Variants in SEPSECS observed in about 807,000 individuals in gnomAD.
SEPSECS encodes the protein Sep (O-phosphoserine) tRNA:Sec (selenocysteine) tRNA synthase.
Under a neutral mutation model 52.1 loss-of-function variants are expected in SEPSECS, and 42 were observed. That is an observed-to-expected ratio of 0.81 (90% confidence interval 0.63 to 1.04). SEPSECS has a LOEUF of 1.04. Ranked by LOEUF, SEPSECS falls within the 50% of genes least tolerant of loss-of-function variation. The pLI is 0.00. For synonymous variants in SEPSECS, 216 were observed against 211.4 expected (o/e 1.02, Z -0.19); for missense variants, 590 against 610.6 (o/e 0.97, Z 0.36).
At chr4:25,150,488 CATT>C (rs1180293582) in intron 6 of SEPSECS, among the ~76,000 whole-genome samples, 1 of 152,010 alleles carries the variant, frequency 6.6e-6, no homozygotes, top group Non-Finnish European at 1.5e-5. Flanking sequence ...CAATAACAAA[CATT>C]ATATCAAATG....
At position 25,160,374 on chromosome 4, in the gene SEPSECS, G is replaced by C. The variant is rs1413144605; in HGVS notation, c.-5C>G. ...CGCGAAGCTCTCGCGGTTCATGACA[G>C]CGGTGGCGACAGTGGCGAATAAGCG... On this transcript the variant is annotated 5_prime_UTR_variant, in exon 1 of 11. Coordinates refer to ENST00000382103, the MANE Select transcript of SEPSECS (RefSeq NM_016955.4). 3.2e-6 allele frequency: 5 copies of C among 1,544,802 alleles called. No homozygotes were observed. Among genetic ancestry groups the C allele is most frequent in the Non-Finnish European group, 4.4e-6 (5 of 1,142,230 alleles).
chr4:25,137,825 T>C (rs969631692), intron 8 of SEPSECS, among the ~76,000 whole-genome samples: 1 of 152,106 alleles, frequency 6.6e-6, no homozygotes, highest in Non-Finnish European at 1.5e-5. Context: ...CAAACACTCA[T>C]CAATGATAGA....
At chr4:25,149,867 C>CA (rs1712198923) in intron 6 of SEPSECS, among the ~76,000 whole-genome samples, 1 of 152,070 alleles carries the variant, frequency 6.6e-6, no homozygotes, top group African/African-American at 2.4e-5. Flanking sequence ...TAAGGAATAG[C>CA]AAAAAGAAAT....
At chr4:25,157,822 G>C (rs564041035) in intron 2 of SEPSECS, among the ~76,000 whole-genome samples, 3 of 152,148 alleles carry the variant, frequency 2.0e-5, no homozygotes, top group Non-Finnish European at 1.5e-5. Flanking sequence ...TGAGATTACC[G>C]GCGTGAGCCA....
intron 8 of SEPSECS, among the ~76,000 whole-genome samples, chr4:25,130,968 T>C (rs886363799): frequency 3.3e-5 from 5 of 152,218 alleles, no homozygotes; most frequent in African/African-American, 1.2e-4. Flanking sequence ...TGAAATATTA[T>C]TGATTTTCCA....
At chr4:25,152,413 T>C (rs1712358173) in intron 5 of SEPSECS, among the ~76,000 whole-genome samples, 1 of 152,058 alleles carries the variant, frequency 6.6e-6, no homozygotes, top group Admixed American at 6.5e-5. Context: ...TGCTCTTTTT[T>C]TCCACTTTTG....
chr4:25,156,006 T>C, intron 4 of SEPSECS, 31 bp downstream of exon 4: 1 of 1,584,886 alleles, frequency 6.3e-7, no homozygotes, highest in East Asian at 2.2e-5. Context: ...AATTATGATG[T>C]TTAAAACATT....
At chr4:25,159,922 G>C (rs1048994206) in intron 1 of SEPSECS, 49 of 985,276 alleles carry the variant, frequency 5.0e-5, no homozygotes, top group Non-Finnish European at 5.7e-5. Context: ...TTGAGGGTTG[G>C]TGAAAGATGG....
Position 25,127,273 on chromosome 4 carries a change from T to A in SEPSECS, c.1111A>T (p.Ile371Leu). 1.2e-6 allele frequency: 2 copies of A among 1,607,376 alleles called. No homozygotes were observed. The highest frequency in any genetic ancestry group is 8.5e-7 in the Non-Finnish European group (1 of 1,174,292). Residue 371 changes from isoleucine (I) to leucine (L), a missense_variant, in exon 9 of 11, where the codon ATA becomes TTA. Physicochemically the swap from Ile to Leu is conservative, Grantham distance 5. Coordinates refer to ENST00000382103, the MANE Select transcript of SEPSECS (RefSeq NM_016955.4). The part of the protein sequence containing the change: ...ERLLHTPHNP[I>L]SLAMTLKTLD... ...GGAAAAAAGAAATTACCTAAAGATA[T>A]GGGATTGTGAGGTGTATGCAACAGT...
At position 25,124,164 on chromosome 4, in the gene SEPSECS, G is replaced by A; in HGVS notation, c.1273C>T (p.His425Tyr). 1.9e-6 allele frequency: 3 copies of A among 1,613,618 alleles called. No homozygotes were observed. Among genetic ancestry groups the A allele is most frequent in the Non-Finnish European group, 2.5e-6 (3 of 1,179,722 alleles). The change falls in exon 11 of 11, where the codon CAT (histidine) becomes TAT (tyrosine). Residue 425 changes from histidine (H) to tyrosine (Y), a missense_variant. Physicochemically the swap from His to Tyr is moderately conservative, Grantham distance 83. Coordinates refer to ENST00000382103, the MANE Select transcript of SEPSECS (RefSeq NM_016955.4). ...TAAGCACAAGGGTAATTATTTGTAT[G>A]TGACATAAAGCCTCTGAAAGTATAG... is the stretch of plus-strand genomic sequence containing the variant. ...SGYTFRGFMS[H>Y]TNNYPCAYLN...
At chr4:25,144,283 T>C (rs1181421942) in intron 8 of SEPSECS, among the ~76,000 whole-genome samples, 1 of 137,256 alleles carries the variant, frequency 7.3e-6, no homozygotes, top group Non-Finnish European at 1.5e-5. Flanking sequence ...GAGGTTGCAG[T>C]GAGCCAAGAT....
In SEPSECS at chr4:25,146,284, G is replaced by A. The variant is rs75587297; in HGVS notation, c.805-1151C>T. On this transcript the variant is annotated intron_variant, in intron 6 of 10. Coordinates refer to ENST00000382103, the MANE Select transcript of SEPSECS (RefSeq NM_016955.4). ...AGCAGATAGCTGGCCTAATCTCAGA[G>A]TCCAGATCCAGGCAACAGGTGGAAG... 4.9e-4 allele frequency among the ~76,000 whole-genome samples: 74 copies of A among 152,296 alleles called. 1 individual carries two copies. In the East Asian group the frequency reaches 0.013, roughly 27 times the overall value.
intron 8 of SEPSECS, 25 bp from the exon 9 acceptor site, chr4:25,127,382 A>G (rs1728424599): frequency 6.6e-7 from 1 of 1,515,456 alleles, no homozygotes; most frequent in Non-Finnish European, 9.2e-7. Context: ...TGTCACATTT[A>G]AAACAAATCA....
Position 25,155,085 on chromosome 4 carries a change from A to G in SEPSECS, c.614T>C (p.Val205Ala), listed in dbSNP as rs764429832. The G allele has an allele frequency of 1.9e-6, 3 of 1,614,156 alleles. No homozygotes were observed. The Admixed American group carries it at 5.0e-5, about 27-fold the overall frequency. Residue 205 changes from valine (V) to alanine (A), a missense_variant, in exon 5 of 11, where the codon GTG becomes GCG. By Grantham distance (64) the Val-to-Ala change is moderately conservative (BLOSUM62 0). Coordinates refer to ENST00000382103, the MANE Select transcript of SEPSECS (RefSeq NM_016955.4). ...GDELRTDLKA[V>A]EAKVQELGPD... is the part of the protein sequence containing the mutation. ...CCCAAGTTCCTGGACTTTAGCCTCC[A>G]CTGCTTTCAGGTCTGTACGCAGCTC... is the stretch of plus-strand genomic sequence containing the variant.
chr4:25,134,895 C>T (rs1184287080), intron 8 of SEPSECS, among the ~76,000 whole-genome samples: 1 of 152,038 alleles, frequency 6.6e-6, no homozygotes, highest in Admixed American at 6.5e-5. Context: ...TAAATTATAA[C>T]TCAAGGTTAA....
intron 8 of SEPSECS, among the ~76,000 whole-genome samples, chr4:25,130,339 T>C (rs1415759110): frequency 6.6e-6 from 1 of 152,250 alleles, no homozygotes; most frequent in African/African-American, 2.4e-5. Flanking sequence ...GAGGGTGCTT[T>C]TAAACTTACT....
chr4:25,160,197 C>T, intron 1 of SEPSECS, 59 bp downstream of exon 1: 1 of 1,543,892 alleles, frequency 6.5e-7, no homozygotes, highest in Non-Finnish European at 8.7e-7. Context: ...GCGGGGACGC[C>T]CGGCGGAGCC....
intron 8 of SEPSECS, among the ~76,000 whole-genome samples, chr4:25,131,608 A>C (rs554910489): frequency 6.6e-6 from 1 of 152,318 alleles, no homozygotes; most frequent in East Asian, 1.9e-4. Context: ...GTAGGCTTGA[A>C]ATCAGATGCT....
chr4:25,153,418 G>GA (rs1712427615), intron 5 of SEPSECS, among the ~76,000 whole-genome samples: 1 of 151,026 alleles, frequency 6.6e-6, no homozygotes, highest in African/African-American at 2.4e-5. Flanking sequence ...ACCTAAATCT[G>GA]TTAATGGTTA....
Sources: gnomAD v4.1 joint callset for allele counts (sites outside exome capture counted in the v4.1 genomes callset) on GRCh38, gnomAD v4.1.1 for gene constraint, MANE v1.5 for transcripts, NCBI Gene and HGNC (gene_info 2026-07-23, HGNC 2026-07-21) for gene names.